LRMDA: variants seen among roughly 807,000 people sequenced by gnomAD.
LRMDA encodes the protein leucine-rich melanocyte differentiation-associated protein.
Under a neutral mutation model 29.8 loss-of-function variants are expected in LRMDA, and 18 were observed. The ratio of observed to expected loss-of-function variants is 0.60; its 90% CI spans 0.42 to 0.90. The LOEUF (loss-of-function observed/expected upper bound fraction) is 0.90. LRMDA is among the 40% of genes least tolerant of loss of function. The probability of loss-of-function intolerance (pLI) is 0.00; values close to 1 mark genes in which losing one functional copy is unlikely to be tolerated. For synonymous variants in LRMDA, 125 were observed against 109.4 expected (o/e 1.14, Z -0.89); for missense variants, 273 against 273.9 (o/e 1.00, Z 0.02).
At chr10:75,561,061 T>G (rs1397421440) in intron 2 of LRMDA, among the ~76,000 whole-genome samples, 10 of 151,178 alleles carry the variant, frequency 6.6e-5, no homozygotes, top group East Asian at 3.9e-4. Flanking sequence ...AATGAGTTAG[T>G]GAGGATTCCC....
intron 6 of LRMDA, among the ~76,000 whole-genome samples, chr10:76,555,923 G>A (rs1843551428): frequency 6.6e-6 from 1 of 151,914 alleles, no homozygotes; most frequent in Non-Finnish European, 1.5e-5. Flanking sequence ...TTTTTTTCTA[G>A]TTGTGTACAG....
At chr10:76,462,427 G>T (rs1842522777) in intron 6 of LRMDA, among the ~76,000 whole-genome samples, 2 of 152,104 alleles carry the variant, frequency 1.3e-5, no homozygotes, top group South Asian at 4.2e-4. Flanking sequence ...CCATAGAAAA[G>T]ATTTAGAAGT....
intron 2 of LRMDA, among the ~76,000 whole-genome samples, chr10:75,587,186 A>G (rs1405031977): frequency 1.3e-5 from 2 of 152,196 alleles, no homozygotes; most frequent in Non-Finnish European, 2.9e-5. Flanking sequence ...TTCATCTATA[A>G]TAAAATCTCA....
At chr10:76,031,695 C>T (rs901354817) in intron 2 of LRMDA, among the ~76,000 whole-genome samples, 6 of 152,076 alleles carry the variant, frequency 3.9e-5, no homozygotes, top group Admixed American at 1.3e-4. Context: ...AGGTTAGGCC[C>T]TTTAGAACTT....
chr10:76,134,093 C>T (rs1304984231), intron 5 of LRMDA, among the ~76,000 whole-genome samples: 1 of 152,210 alleles, frequency 6.6e-6, no homozygotes, highest in Non-Finnish European at 1.5e-5. Flanking sequence ...GCTTTCGAGG[C>T]ACTGCAGCCA....
chr10:76,349,359 G>A (rs907789609), intron 6 of LRMDA, among the ~76,000 whole-genome samples: 12 of 152,128 alleles, frequency 7.9e-5, no homozygotes, highest in African/African-American at 2.2e-4. Context: ...AAAACAGGCA[G>A]TGGGCCAGAT....
chr10:76,200,465 T>A (rs1222102389), intron 5 of LRMDA, among the ~76,000 whole-genome samples: 1 of 152,184 alleles, frequency 6.6e-6, no homozygotes, highest in Non-Finnish European at 1.5e-5. Context: ...GTCTTAAAAT[T>A]CTGATGCCAT....
Position 75,608,127 on chromosome 10 carries a change from T to C in LRMDA, c.131+169633T>C, listed in dbSNP as rs7905218. On this transcript the variant is annotated intron_variant, in intron 2 of 6. Coordinates refer to ENST00000611255, the MANE Select transcript of LRMDA (RefSeq NM_001305581.2). ...TAGTGTGTGTATATATATATATATA[T>C]ATACACACACATACACAAAGCAATA... Among the ~76,000 whole-genome samples, 532 of 66,368 alleles carry C rather than the reference T, an allele frequency of 8.0e-3. 36 individuals are homozygous for C. The highest frequency in any genetic ancestry group is 0.016 in the Non-Finnish European group (395 of 24,532). 43.5% of individuals were successfully genotyped at this position (66,368 alleles called of 152,430 possible). A position where few individuals can be genotyped will look rare whatever the true frequency, so the allele number is the denominator to read the frequency against.
At chr10:76,365,564 T>C (rs1841383024) in intron 6 of LRMDA, among the ~76,000 whole-genome samples, 1 of 152,226 alleles carries the variant, frequency 6.6e-6, no homozygotes, top group Non-Finnish European at 1.5e-5. Flanking sequence ...GACTTGTCTA[T>C]TTATGTCCTT....
At position 76,229,324 on chromosome 10, in the gene LRMDA, C is replaced by T. The variant is rs528111964; in HGVS notation, c.517-95077C>T. On this transcript the variant is annotated intron_variant, in intron 5 of 6. Coordinates refer to ENST00000611255, the MANE Select transcript of LRMDA (RefSeq NM_001305581.2). The stretch of plus-strand genomic sequence containing the variant: ...GATTCGAAGCTTATATGCCCTTCTC[C>T]ATGGGAGAGAGTAGTGGGGGTCTGC... 5.3e-5 allele frequency among the ~76,000 whole-genome samples: 8 copies of T among 152,254 alleles called. 1 individual carries two copies. The South Asian group carries it at 1.0e-3, about 20-fold the overall frequency.
chr10:76,317,720 C>T (rs1445332730), intron 5 of LRMDA, among the ~76,000 whole-genome samples: 3 of 152,030 alleles, frequency 2.0e-5, no homozygotes, highest in African/African-American at 7.2e-5. Flanking sequence ...ACTACAGGTG[C>T]CCGCCACCAC....
At chr10:76,520,789 C>A (rs980644301) in intron 6 of LRMDA, among the ~76,000 whole-genome samples, 29 of 151,992 alleles carry the variant, frequency 1.9e-4, no homozygotes, top group Non-Finnish European at 3.2e-4. Context: ...TGTTCTTTGC[C>A]AGGGATATTT....
intron 2 of LRMDA, among the ~76,000 whole-genome samples, chr10:75,924,120 A>T (rs1846076035): frequency 6.6e-6 from 1 of 152,182 alleles, no homozygotes; most frequent in Non-Finnish European, 1.5e-5. Flanking sequence ...AAATGTAACA[A>T]TTGAACAGAT....
intron 2 of LRMDA, among the ~76,000 whole-genome samples, chr10:75,824,071 A>C (rs1170396808): frequency 6.6e-6 from 1 of 152,026 alleles, no homozygotes; most frequent in East Asian, 1.9e-4. Flanking sequence ...TGAACTAAAA[A>C]ACCCAGATTT....
At chr10:76,385,277 T>A (rs1413079679) in intron 6 of LRMDA, among the ~76,000 whole-genome samples, 1 of 152,242 alleles carries the variant, frequency 6.6e-6, no homozygotes, top group African/African-American at 2.4e-5. Context: ...TTTACTTTTA[T>A]GTACCAATCG....
At chr10:76,292,443 AG>A (rs1288286040) in intron 5 of LRMDA, among the ~76,000 whole-genome samples, 2 of 152,144 alleles carry the variant, frequency 1.3e-5, no homozygotes, top group Non-Finnish European at 2.9e-5. Flanking sequence ...TCCAGTTCAC[AG>A]GGTTTCTAGC....
chr10:75,705,758 C>T (rs756546632), intron 2 of LRMDA, among the ~76,000 whole-genome samples: 4 of 152,216 alleles, frequency 2.6e-5, no homozygotes, highest in African/African-American at 7.2e-5. Flanking sequence ...TCCCACAAAG[C>T]GTCCCTGCAG....
chr10:75,563,256 C>T (rs1444674057), intron 2 of LRMDA, among the ~76,000 whole-genome samples: 2 of 151,920 alleles, frequency 1.3e-5, no homozygotes, highest in Admixed American at 6.6e-5. Context: ...TCTAAACTTC[C>T]CTTCTCGCTT....
intron 5 of LRMDA, among the ~76,000 whole-genome samples, chr10:76,165,881 A>G (rs774972927): frequency 3.0e-4 from 46 of 152,214 alleles, no homozygotes; most frequent in Non-Finnish European, 5.4e-4. Context: ...CAAACAAACC[A>G]TATCAGCACA....
Sources: allele counts gnomAD v4.1 joint callset (sites outside exome capture counted in the v4.1 genomes callset), GRCh38; gene constraint gnomAD v4.1.1; transcripts MANE v1.5; gene names NCBI Gene and HGNC (gene_info 2026-07-23, HGNC 2026-07-21).